INTS6: variants seen among roughly 807,000 people sequenced by gnomAD.
INTS6 encodes integrator complex subunit 6.
A neutral mutation model predicts 104.9 loss-of-function variants in INTS6; 16 were observed. That is an observed-to-expected ratio of 0.15 (90% CI 0.10 to 0.23). INTS6 has a LOEUF of 0.23. Ranked by LOEUF, INTS6 falls within the 10% of genes least tolerant of loss-of-function variation. The probability of loss-of-function intolerance (pLI) is 1.00; values close to 1 mark genes in which losing one functional copy is unlikely to be tolerated. For missense variants in INTS6, 584 were observed against 1,062.8 expected (o/e 0.55, Z 6.26); for synonymous variants, 324 against 358.7 (o/e 0.90, Z 1.09).
chr13:51,452,827 G>A lies in INTS6; in HGVS notation c.-302C>T. On this transcript the variant is annotated 5_prime_UTR_variant, in exon 1 of 18. It adds an upstream start codon to the 5' untranslated region. Coordinates refer to ENST00000311234, the MANE Select transcript of INTS6 (RefSeq NM_012141.3). The surrounding 1 kb of genome is among the most constrained non-coding windows in gnomAD (Gnocchi z 4.2). ...TCGTCCCCCCCGCCTCGGGGGTCCCGTCCCCGCTCCCGGCCCCTGTGTGTG... is the reference window on the plus strand; with the variant it reads ...TCGTCCCCCCCGCCTCGGGGGTCCCATCCCCGCTCCCGGCCCCTGTGTGTG... The A allele has an allele frequency of 8.6e-7, 1 of 1,165,932 alleles. No homozygotes were observed. Among genetic ancestry groups the A allele is most frequent in the Non-Finnish European group, 1.1e-6 (1 of 938,342 alleles). The allele number at this position is 1,165,932 out of a possible 1,614,324, so 72.2% of individuals were successfully genotyped here.
At chr13:51,348,054 C>T in the INTS6 span, among the ~76,000 whole-genome samples, 1 of 152,078 alleles carries the variant, frequency 6.6e-6, no homozygotes, top group African/African-American at 2.4e-5. Flanking sequence ...ATGACCATAT[C>T]GCCCAACAGT....
intron 12 of INTS6, among the ~76,000 whole-genome samples, chr13:51,377,509 G>A (rs1955958013): frequency 6.6e-6 from 1 of 152,048 alleles, no homozygotes; most frequent in Non-Finnish European, 1.5e-5. Context: ...CAAATAATAT[G>A]AGGTAATGGT....
intron 4 of INTS6, among the ~76,000 whole-genome samples, chr13:51,408,402 C>A (rs1279686092): frequency 6.6e-6 from 1 of 152,112 alleles, no homozygotes; most frequent in Non-Finnish European, 1.5e-5. Flanking sequence ...TCCTTGGTGT[C>A]CCAAAGTGCT....
rs530237531 is a variant in INTS6, at chr13:51,369,169, G to C, written c.2246C>G (p.Thr749Ser). Residue 749 changes from threonine to serine, a missense_variant, in exon 16 of 18, where the codon ACC becomes AGC. Transcript: ENST00000311234. ...ATGACCAAGAGCCTCCATATGATTG[G>C]TTGGCCGTTCCAGTAAACTGGCTGG... ...SSPASLLERP[T>S]NHMEALGHDH... 42 of 1,613,850 alleles carry C rather than the reference G, an allele frequency of 2.6e-5. No individual in the cohort carries two copies. In the South Asian group the frequency reaches 4.5e-4, roughly 17 times the overall value.
chr13:51,415,683 G>T (rs1736462218), intron 4 of INTS6, among the ~76,000 whole-genome samples: 1 of 151,958 alleles, frequency 6.6e-6, no homozygotes, highest in South Asian at 2.1e-4. Flanking sequence ...CCCAGTCTCG[G>T]GTATGTCTTT....
chr13:51,400,440 T>C (rs1956415834), intron 4 of INTS6, among the ~76,000 whole-genome samples: 2 of 152,210 alleles, frequency 1.3e-5, no homozygotes, highest in South Asian at 4.1e-4. Flanking sequence ...CTTATTATTT[T>C]CCCACTTAAA....
In INTS6 at chr13:51,452,593, G is replaced by C; in HGVS notation, c.-68C>G. 1 of 1,559,372 alleles carries C rather than the reference G, an allele frequency of 6.4e-7. No homozygotes were observed. The highest frequency in any genetic ancestry group is 1.1e-5 in the South Asian group (1 of 89,222). On this transcript the variant is annotated 5_prime_UTR_variant, in exon 1 of 18. Transcript: ENST00000311234. The surrounding 1 kb of genome is among the most constrained non-coding windows in gnomAD (Gnocchi z 4.2). ...AGGAGATGGTAGAGGTGGAGGCGCC[G>C]GTGGCGGCGACCGCCGCTACGCGGG... is the stretch of plus-strand genomic sequence containing the variant.
At chr13:51,438,555 C>T (rs1419445847) in intron 3 of INTS6, 1 of 152,172 alleles carries the variant, frequency 6.6e-6, no homozygotes, top group African/African-American at 2.4e-5. Context: ...TTAAGATTTA[C>T]ATTCACTATA....
At chr13:51,403,991 G>A (rs546935115) in intron 4 of INTS6, among the ~76,000 whole-genome samples, 1 of 150,976 alleles carries the variant, frequency 6.6e-6, no homozygotes, top group Non-Finnish European at 1.5e-5. Context: ...GGAGGCTGAG[G>A]CAGGCAGGAT....
intron 4 of INTS6, among the ~76,000 whole-genome samples, chr13:51,416,038 T>G (rs1019353240): frequency 6.6e-6 from 1 of 152,036 alleles, no homozygotes; most frequent in African/African-American, 2.4e-5. Flanking sequence ...CAAAACATCA[T>G]GAAAGAAAAA....
intron 11 of INTS6, 31 bp downstream of exon 11, chr13:51,379,431 C>T (rs746280629): frequency 1.5e-6 from 2 of 1,354,058 alleles, no homozygotes; most frequent in South Asian, 1.3e-5. Flanking sequence ...ATTCAAAATA[C>T]TTAATGGCTC....
the INTS6 span, chr13:51,341,419 C>G: frequency 7.3e-7 from 1 of 1,370,260 alleles, no homozygotes; most frequent in Non-Finnish European, 1.0e-6. Flanking sequence ...GCTCACCCTC[C>G]TGCTCACACT....
chr13:51,424,513 T>A (rs1299246646), intron 4 of INTS6, among the ~76,000 whole-genome samples: 1 of 152,090 alleles, frequency 6.6e-6, no homozygotes, highest in Non-Finnish European at 1.5e-5. Flanking sequence ...ATTGCAGATG[T>A]ATATATTCCT....
At chr13:51,374,562 A>C in intron 14 of INTS6, 92 bp downstream of exon 14, 1 of 1,538,074 alleles carries the variant, frequency 6.5e-7, no homozygotes, top group Non-Finnish European at 8.9e-7. Flanking sequence ...CTACCAGGAA[A>C]ATAGCTTCAG....
intron 17 of INTS6, among the ~76,000 whole-genome samples, chr13:51,367,318 A>G (rs766227615): frequency 3.9e-5 from 6 of 152,106 alleles, no homozygotes; most frequent in South Asian, 4.1e-4. Flanking sequence ...CTTGAATCCA[A>G]TGAATGTGGA....
the INTS6 span, among the ~76,000 whole-genome samples, chr13:51,335,190 A>G: frequency 1.3e-5 from 2 of 152,168 alleles, no homozygotes; most frequent in African/African-American, 4.8e-5. Context: ...TTTCTCTTCA[A>G]CAAAAGACAT....
Position 51,452,745 on chromosome 13 carries a change from C to T in INTS6, c.-220G>A. ...GTGCTCCCCGTCGTACCCCCGCCTC[C>T]GCCTCCTCCTGCCTGCCTGCCCGCT... is the stretch of plus-strand genomic sequence containing the variant. On this transcript the variant is annotated 5_prime_UTR_variant, in exon 1 of 18. Coordinates refer to ENST00000311234, the MANE Select transcript of INTS6 (RefSeq NM_012141.3). The surrounding 1 kb of genome is among the most constrained non-coding windows in gnomAD (Gnocchi z 4.2). The T allele has an allele frequency of 8.1e-7, 1 of 1,238,214 alleles. No homozygotes were observed. Among genetic ancestry groups the T allele is most frequent in the Non-Finnish European group, 1.0e-6 (1 of 986,034 alleles). 76.7% of individuals were successfully genotyped at this position (1,238,214 alleles called of 1,614,324 possible).
chr13:51,387,646 T>C lies in INTS6; in HGVS notation c.740-106A>G, dbSNP rs552022927. The C allele has an allele frequency of 5.7e-6, 5 of 884,418 alleles. No individual in the cohort carries two copies. The South Asian group carries it at 7.9e-5, about 14-fold the overall frequency. 54.8% of individuals were successfully genotyped at this position (884,418 alleles called of 1,614,324 possible). The stretch of plus-strand genomic sequence containing the variant: ...ACTTAAATTAATAAAAAATTCCTAA[T>C]ATCTTTTTCCAGGTTTTCCTATTTT... On this transcript the variant is annotated intron_variant, in intron 6 of 17. Coordinates refer to ENST00000311234, the MANE Select transcript of INTS6 (RefSeq NM_012141.3).
rs1955618067 is a variant in INTS6, at chr13:51,363,247, G to C, written c.*2505C>G. On this transcript the variant is annotated 3_prime_UTR_variant, in exon 18 of 18. Coordinates refer to ENST00000311234, the MANE Select transcript of INTS6 (RefSeq NM_012141.3). ...ACTATTTCAATGGTAGGAGTTTTCAGAACTGCCTCAGTAATCAGAATGAAA... is the reference window on the plus strand; with the variant it reads ...ACTATTTCAATGGTAGGAGTTTTCACAACTGCCTCAGTAATCAGAATGAAA... The C allele has an allele frequency of 2.0e-5, 3 of 151,932 alleles. No homozygotes were observed. The highest frequency in any genetic ancestry group is 2.9e-5 in the Non-Finnish European group (2 of 67,898). 9.4% of individuals were successfully genotyped at this position (151,932 alleles called of 1,614,324 possible). A position where few individuals can be genotyped will look rare whatever the true frequency, so the allele number is the denominator to read the frequency against.
Sources: gnomAD v4.1 joint callset for allele counts (sites outside exome capture counted in the v4.1 genomes callset) on GRCh38, gnomAD v4.1.1 for gene constraint, Gnocchi (gnomAD v3.1) non-coding constraint, MANE v1.5 for transcripts, NCBI Gene and HGNC (gene_info 2026-07-23, HGNC 2026-07-21) for gene names.